AFAP1: variants seen among roughly 807,000 people sequenced by gnomAD.
The protein encoded by AFAP1 is actin filament associated protein 1.
AFAP1 carries 75 observed loss-of-function variants against 93.9 expected under a neutral mutation model. The ratio of observed to expected loss-of-function variants is 0.80; its 90% CI spans 0.66 to 0.97. The LOEUF is 0.97. AFAP1 is among the 50% of genes least tolerant of loss of function. AFAP1 has a pLI of 0.00. For missense variants in AFAP1, 1,201 were observed against 1,050.8 expected, an observed-to-expected ratio of 1.14 and a Z score of -1.98; for synonymous variants, 517 against 430.7, an observed-to-expected ratio of 1.20 and a Z score of -2.48.
intron 3 of AFAP1, 40 bp from the exon 4 acceptor site, chr4:7,855,614 C>G: frequency 2.7e-6 from 4 of 1,472,032 alleles, no homozygotes; most frequent in Non-Finnish European, 3.8e-6. Context: ...ATTAGCATGA[C>G]CATTAGAAGG....
intron 6 of AFAP1, among the ~76,000 whole-genome samples, chr4:7,821,286 T>G (rs941313410): frequency 1.3e-5 from 2 of 152,132 alleles, no homozygotes; most frequent in African/African-American, 4.8e-5. Context: ...ATGGAAGAAG[T>G]CTAAGCCAGC....
intron 1 of AFAP1, among the ~76,000 whole-genome samples, chr4:7,938,434 A>T (rs1730288288): frequency 6.6e-6 from 1 of 152,124 alleles, no homozygotes; most frequent in Admixed American, 6.5e-5. Flanking sequence ...CAGGTTTTTC[A>T]AAAGTTTGAT....
intron 1 of AFAP1, among the ~76,000 whole-genome samples, chr4:7,884,410 A>G (rs1718027898): frequency 6.6e-6 from 1 of 152,210 alleles, no homozygotes; most frequent in African/African-American, 2.4e-5. Context: ...AAAAAATAAG[A>G]ATGCAGAGAT....
intron 16 of AFAP1, among the ~76,000 whole-genome samples, chr4:7,769,382 G>A (rs1715086471): frequency 6.6e-6 from 1 of 152,224 alleles, no homozygotes; most frequent in Admixed American, 6.5e-5. Context: ...GAGCTTTTCT[G>A]GGGTCAGCGC....
intron 2 of AFAP1, among the ~76,000 whole-genome samples, chr4:7,871,626 C>T (rs1329716725): frequency 1.3e-5 from 2 of 152,218 alleles, no homozygotes; most frequent in African/African-American, 4.8e-5. Flanking sequence ...TGCATCCTCA[C>T]TACGGCTGCA....
Position 7,809,748 on chromosome 4 carries a change from CT to C in AFAP1, c.919del (p.Ser307ValfsTer48). The C allele has an allele frequency of 6.2e-7, 1 of 1,613,532 alleles. No homozygotes were observed. Among genetic ancestry groups the C allele is most frequent in the Non-Finnish European group, 8.5e-7 (1 of 1,179,856 alleles). ...AGTGCCCTTGGCCTCTGATTTGGAA[CT>C]TTTCTTCCTCTTCACTGTCAAGAGT... is the stretch of plus-strand genomic sequence containing the variant. The part of the protein sequence containing the change: ...NGKEQVKRKK[S>X]SKSEAKGTVS... On this transcript the variant is annotated frameshift_variant, in exon 9 of 18. Coordinates refer to ENST00000420658, the MANE Select transcript of AFAP1 (RefSeq NM_001134647.2). LOFTEE classifies it high-confidence loss of function.
intron 3 of AFAP1, among the ~76,000 whole-genome samples, chr4:7,864,249 G>A (rs1463477292): frequency 2.0e-5 from 3 of 151,980 alleles, no homozygotes; most frequent in Admixed American, 1.3e-4. Context: ...ACCCAGCAAG[G>A]CAGAGCTACC....
intron 1 of AFAP1, among the ~76,000 whole-genome samples, chr4:7,927,367 C>T (rs1038369047): frequency 2.0e-5 from 3 of 152,158 alleles, no homozygotes; most frequent in Admixed American, 2.0e-4. Flanking sequence ...GACAACGTCC[C>T]CAGCCTCTCT....
intron 1 of AFAP1, among the ~76,000 whole-genome samples, chr4:7,875,155 C>A (rs1717412977): frequency 6.6e-6 from 1 of 152,134 alleles, no homozygotes; most frequent in Non-Finnish European, 1.5e-5. Context: ...AAAGCCTAAG[C>A]AAAAAAGTTT....
At chr4:7,888,817 G>A (rs1428338042) in intron 1 of AFAP1, among the ~76,000 whole-genome samples, 1 of 151,802 alleles carries the variant, frequency 6.6e-6, no homozygotes, top group Non-Finnish European at 1.5e-5. Flanking sequence ...TTGAAACAGA[G>A]TCTCACTCTG....
At chr4:7,796,574 C>T (rs1202002033) in intron 10 of AFAP1, among the ~76,000 whole-genome samples, 2 of 150,606 alleles carry the variant, frequency 1.3e-5, no homozygotes, top group East Asian at 3.9e-4. Flanking sequence ...ACGGTGAAAC[C>T]CTGTCTCTAC....
chr4:7,869,269 G>A (rs1022426412), intron 2 of AFAP1, among the ~76,000 whole-genome samples: 4 of 152,150 alleles, frequency 2.6e-5, no homozygotes, highest in African/African-American at 9.7e-5. Context: ...AGAAATGAAT[G>A]AAAGCACTCA....
chr4:7,776,198 C>G (rs985133871), intron 14 of AFAP1: 3 of 152,198 alleles, frequency 2.0e-5, no homozygotes, highest in African/African-American at 7.2e-5. Context: ...CCTCACAAGG[C>G]TAGAAACTAC....
rs564132819 is a variant in AFAP1 at position 7,893,789 on chromosome 4, C to T, written c.-2-21709G>A. ...CTAACATGCTCCCAGGTGGTGTCAA[C>T]GCTGCTGGCCATGGGTCGCACTTTG... On this transcript the variant is annotated intron_variant, in intron 1 of 17. Transcript: ENST00000420658. 5.0e-4 allele frequency among the ~76,000 whole-genome samples: 76 copies of T among 152,206 alleles called. 1 individual carries two copies. The highest frequency in any genetic ancestry group is 1.7e-3 in the African/African-American group (72 of 41,510).
chr4:7,764,104 A>G (rs1577164733), intron 17 of AFAP1, among the ~76,000 whole-genome samples: 1 of 152,264 alleles, frequency 6.6e-6, no homozygotes, highest in Admixed American at 6.5e-5. Context: ...AACACCACGT[A>G]TTCGGCCTGA....
At chr4:7,767,749 C>T (rs1206935838) in intron 17 of AFAP1, among the ~76,000 whole-genome samples, 1 of 152,150 alleles carries the variant, frequency 6.6e-6, no homozygotes, top group Admixed American at 6.5e-5. Context: ...CAGGAAACAC[C>T]TATCCCCAGT....
At chr4:7,899,736 G>A (rs1719005829) in intron 1 of AFAP1, among the ~76,000 whole-genome samples, 1 of 152,260 alleles carries the variant, frequency 6.6e-6, no homozygotes, top group South Asian at 2.1e-4. Context: ...GACAGCAGAA[G>A]AATAACAAAG....
At chr4:7,852,978 T>C (rs982317500) in intron 4 of AFAP1, among the ~76,000 whole-genome samples, 31 of 152,162 alleles carry the variant, frequency 2.0e-4, no homozygotes, top group African/African-American at 7.0e-4. Context: ...GAATTTCCCG[T>C]CACCCGGGCA....
At chr4:7,766,233 C>T (rs2148941974) in intron 17 of AFAP1, among the ~76,000 whole-genome samples, 1 of 152,292 alleles carries the variant, frequency 6.6e-6, no homozygotes, top group African/African-American at 2.4e-5. Context: ...TTCGTGCCTT[C>T]TTGCCCCTTC....
Sources: gnomAD v4.1 joint callset for allele counts (sites outside exome capture counted in the v4.1 genomes callset) on GRCh38, gnomAD v4.1.1 for gene constraint, MANE v1.5 for transcripts, NCBI Gene and HGNC (gene_info 2026-07-23, HGNC 2026-07-21) for gene names.